CHST15: variants seen among roughly 807,000 people sequenced by gnomAD.
The protein encoded by CHST15 is B cell RAG associated protein (GALNAC4S-6ST).
CHST15 carries 30 observed loss-of-function variants against 53.6 expected under a neutral mutation model. The observed-to-expected ratio is 0.56, with a 90% confidence interval of 0.42 to 0.76. The LOEUF is 0.76. Among genes scored for constraint, CHST15 ranks in the 30% least tolerant of loss-of-function variants. The pLI, the probability that CHST15 is intolerant of heterozygous loss-of-function variation, is 0.00. For missense variants in CHST15, 627 were observed against 740.5 expected (o/e 0.85, Z 1.78); for synonymous variants, 296 against 289.8 (o/e 1.02, Z -0.22).
intron 1 of CHST15, among the ~76,000 whole-genome samples, chr10:124,053,093 C>T (rs1442421684): frequency 1.3e-5 from 2 of 152,188 alleles, no homozygotes; most frequent in Non-Finnish European, 2.9e-5. Context: ...ATTACAGATG[C>T]ACAGTCCTGG....
intron 1 of CHST15, among the ~76,000 whole-genome samples, chr10:124,082,128 G>A (rs186516187): frequency 1.0e-3 from 156 of 152,232 alleles, no homozygotes; most frequent in African/African-American, 3.5e-3. Flanking sequence ...AAGGAAAACA[G>A]GCAAGAGTAC....
Position 124,044,816 on chromosome 10 carries a change from G to A in CHST15, c.650C>T (p.Ser217Phe). 9 of 1,589,564 alleles carry A rather than the reference G, an allele frequency of 5.7e-6. No homozygotes were observed. The highest frequency in any genetic ancestry group is 7.7e-6 in the Non-Finnish European group (9 of 1,165,436). The change falls in exon 3 of 8, where the codon TCC becomes TTC. Residue 217 changes from serine (S) to phenylalanine (F), a missense_variant. Physicochemically the swap from Ser to Phe is radical, Grantham distance 155. Around this residue, in one of 3 missense-constraint regions of CHST15, gnomAD observed 161 missense variants for 117.2 expected, o/e 1.37. Transcript: ENST00000435907. ...GAAGCGCTTGGAGTAGAGCACGTAG[G>A]AGTTGGTGAGGTAGGGGTCGGTGGT... Reference protein sequence around the residue: ...QNTTDPYLTNSYVLYSKRFRS... With the variant: ...QNTTDPYLTNFYVLYSKRFRS...
At chr10:124,059,006 T>C (rs906649018) in intron 1 of CHST15, among the ~76,000 whole-genome samples, 1 of 152,036 alleles carries the variant, frequency 6.6e-6, no homozygotes, top group Non-Finnish European at 1.5e-5. Context: ...GCTATACACT[T>C]CCTCCCCCAA....
At chr10:124,085,486 C>T (rs1053052410) in intron 1 of CHST15, among the ~76,000 whole-genome samples, 1 of 152,224 alleles carries the variant, frequency 6.6e-6, no homozygotes, top group African/African-American at 2.4e-5. Context: ...TCTCCTGTGC[C>T]ACACTATCAA....
intron 2 of CHST15, 117 bp downstream of exon 2, chr10:124,045,550 A>T: frequency 9.8e-7 from 1 of 1,019,060 alleles, no homozygotes; most frequent in Non-Finnish European, 1.5e-6. Context: ...GATCCTTGCT[A>T]CATCTAAGAC....
intron 1 of CHST15, among the ~76,000 whole-genome samples, chr10:124,066,559 A>G (rs1948755925): frequency 7.1e-6 from 1 of 140,998 alleles, no homozygotes; most frequent in Non-Finnish European, 1.5e-5. Context: ...GGATGACAAC[A>G]CAGTCGATGA....
intron 1 of CHST15, among the ~76,000 whole-genome samples, chr10:124,090,419 G>A (rs796681343): frequency 3.9e-5 from 6 of 152,268 alleles, no homozygotes; most frequent in South Asian, 2.1e-4. Context: ...AGCCGAACTC[G>A]AAATGGCTTG....
intron 1 of CHST15, among the ~76,000 whole-genome samples, chr10:124,069,297 A>G (rs559802447): frequency 6.6e-6 from 1 of 152,344 alleles, no homozygotes; most frequent in African/African-American, 2.4e-5. Context: ...TCAGTGCCAT[A>G]CAGATAATAA....
At chr10:124,083,741 G>C (rs563430785) in intron 1 of CHST15, among the ~76,000 whole-genome samples, 1 of 152,318 alleles carries the variant, frequency 6.6e-6, no homozygotes, top group Admixed American at 6.5e-5. Context: ...GGCAAGTTCA[G>C]CGTGTCCTAA....
Position 124,019,874 on chromosome 10 carries a change from A to G in CHST15, c.1347+1382T>C. 1 of 985,942 alleles carries G rather than the reference A, an allele frequency of 1.0e-6. No individual in the cohort carries two copies. The highest frequency in any genetic ancestry group is 1.7e-5 in the African/African-American group (1 of 57,332). 61.1% of individuals were successfully genotyped at this position (985,942 alleles called of 1,614,324 possible). A position where few individuals can be genotyped will look rare whatever the true frequency, so the allele number is the denominator to read the frequency against. ...CTCAGTGCCCCCCATCTCCCACACC[A>G]GGCGGCTGGCTGCGTTCTGTATGGT... On this transcript the variant is annotated intron_variant, in intron 6 of 7. Transcript: ENST00000435907. The surrounding 1 kb of genome is among the most constrained non-coding windows in gnomAD (Gnocchi z 4.6).
chr10:124,020,474 C>A, intron 6 of CHST15: 1 of 985,524 alleles, frequency 1.0e-6, no homozygotes, highest in Non-Finnish European at 1.2e-6. Flanking sequence ...CCAGATCCCA[C>A]GGCCTCTGTA....
intron 6 of CHST15, among the ~76,000 whole-genome samples, chr10:124,013,971 C>A (rs1946502512): frequency 6.6e-6 from 1 of 152,260 alleles, no homozygotes. Context: ...ATGCACCCTG[C>A]CACCAGCATG....
intron 1 of CHST15, among the ~76,000 whole-genome samples, chr10:124,075,973 T>C (rs1285065621): frequency 1.3e-5 from 2 of 152,194 alleles, no homozygotes; most frequent in Non-Finnish European, 2.9e-5. Flanking sequence ...ATGACAAGGA[T>C]GACCTACAGT....
intron 1 of CHST15, among the ~76,000 whole-genome samples, chr10:124,075,216 AG>A (rs1413765221): frequency 2.6e-5 from 4 of 152,188 alleles, no homozygotes; most frequent in Non-Finnish European, 4.4e-5. Flanking sequence ...GAATAAGTTA[AG>A]AACAGGCTGT....
At chr10:124,032,588 CT>C (rs1564865711) in intron 5 of CHST15, among the ~76,000 whole-genome samples, 1 of 152,150 alleles carries the variant, frequency 6.6e-6, no homozygotes, top group African/African-American at 2.4e-5. Flanking sequence ...AAAGAATAGT[CT>C]TTACCACTTA....
In CHST15 at chr10:124,024,813, A is replaced by C. The variant is rs1343956651; in HGVS notation, c.1191-3401T>G. On this transcript the variant is annotated intron_variant, in intron 5 of 7. Transcript: ENST00000435907. The surrounding 1 kb of genome is among the most constrained non-coding windows in gnomAD (Gnocchi z 4.0). ...GTGCACTGAGGGGTGCCAGGTGGCA[A>C]TTGGTCTGAGGGGTACCCTTCCTGG... Among the ~76,000 whole-genome samples the C allele has an allele frequency of 6.6e-6, 1 of 152,192 alleles. No individual in the cohort carries two copies. Among genetic ancestry groups the C allele is most frequent in the Non-Finnish European group, 1.5e-5 (1 of 68,036 alleles).
chr10:124,060,828 G>C (rs1326013150), intron 1 of CHST15, among the ~76,000 whole-genome samples: 1 of 152,182 alleles, frequency 6.6e-6, no homozygotes, highest in East Asian at 1.9e-4. Context: ...CAAGCTGTCG[G>C]GGCCAGCCTG....
intron 1 of CHST15, among the ~76,000 whole-genome samples, chr10:124,076,840 G>C (rs989350740): frequency 6.6e-6 from 1 of 152,004 alleles, no homozygotes; most frequent in Non-Finnish European, 1.5e-5. Flanking sequence ...CTCCCGAGGA[G>C]CTGGGACTAC....
At chr10:124,060,899 A>G (rs1948551016) in intron 1 of CHST15, among the ~76,000 whole-genome samples, 1 of 152,172 alleles carries the variant, frequency 6.6e-6, no homozygotes, top group South Asian at 2.1e-4. Context: ...AAGTTTGAGA[A>G]GCACTGGTGT....
Sources: allele counts gnomAD v4.1 joint callset (sites outside exome capture counted in the v4.1 genomes callset), GRCh38; gene constraint gnomAD v4.1.1; regional missense constraint gnomAD v4.1.1; non-coding constraint Gnocchi (gnomAD v3.1); transcripts MANE v1.5; gene names NCBI Gene and HGNC (gene_info 2026-07-23, HGNC 2026-07-21).